INPP4B: variants seen among roughly 807,000 people sequenced by gnomAD.
INPP4B encodes inositol polyphosphate 4-phosphatase type II.
Under a neutral mutation model 122.5 loss-of-function variants are expected in INPP4B, and 55 were observed. The observed-to-expected ratio is 0.45, with a 90% CI of 0.36 to 0.56. The LOEUF is 0.56. Among genes scored for constraint, INPP4B ranks in the 20% least tolerant of loss-of-function variants. The pLI, the probability that INPP4B is intolerant of heterozygous loss-of-function variation, is 0.00. For missense variants in INPP4B, 1,000 were observed against 1,097.7 expected (o/e 0.91, Z 1.26); for synonymous variants, 403 against 388.7 (o/e 1.04, Z -0.43).
chr4:142,623,442 C>T (rs756423145), intron 2 of INPP4B, among the ~76,000 whole-genome samples: 1 of 151,864 alleles, frequency 6.6e-6, no homozygotes, highest in African/African-American at 2.4e-5. Flanking sequence ...ACCTTTCTAA[C>T]CTGTCCTTCA....
intron 6 of INPP4B, among the ~76,000 whole-genome samples, chr4:142,403,962 A>T (rs1802489526): frequency 6.6e-6 from 1 of 152,226 alleles, no homozygotes; most frequent in African/African-American, 2.4e-5. Flanking sequence ...TAATATGTGT[A>T]TTTTATCACA....
At chr4:142,402,303 G>T (rs947498331) in intron 7 of INPP4B, among the ~76,000 whole-genome samples, 1 of 152,150 alleles carries the variant, frequency 6.6e-6, no homozygotes, top group African/African-American at 2.4e-5. Context: ...ATTTTCTCCT[G>T]TCCAAGAATT....
rs1056433829 is a variant in INPP4B at position 142,782,710 on chromosome 4, G to C, written c.-253-56809C>G. Among the ~76,000 whole-genome samples the C allele has an allele frequency of 6.6e-5, 10 of 152,226 alleles. No homozygotes were observed. In the South Asian group the frequency reaches 1.9e-3, roughly 28 times the overall value. ...TGAGATGATATCTCATTGTGGTTTT[G>C]ATTTGCATTTCTCTGATGGCCAGTG... On this transcript the variant is annotated intron_variant, in intron 1 of 25. Coordinates refer to ENST00000262992, the MANE Select transcript of INPP4B (RefSeq NM_001101669.3).
rs143089336 is a variant in INPP4B at position 142,046,396 on chromosome 4, G to C, written c.2643-17482C>G. ...GCTGGCCCAGAGGAGAAAGGGATTA[G>C]CTTGGCCTTGGGGATTCATGGGCAT... On this transcript the variant is annotated intron_variant, in intron 25 of 25. Coordinates refer to ENST00000262992, the MANE Select transcript of INPP4B (RefSeq NM_001101669.3). 6.6e-3 allele frequency among the ~76,000 whole-genome samples: 1,007 copies of C among 152,182 alleles called. 9 individuals are homozygous for C. Among genetic ancestry groups the C allele is most frequent in the Non-Finnish European group, 7.1e-3 (484 of 67,980 alleles).
intron 1 of INPP4B, among the ~76,000 whole-genome samples, chr4:142,809,692 T>G (rs1293708354): frequency 6.6e-6 from 1 of 152,206 alleles, no homozygotes; most frequent in Non-Finnish European, 1.5e-5. Context: ...TCAGAGCTTA[T>G]TTAACAGTGG....
intron 2 of INPP4B, among the ~76,000 whole-genome samples, chr4:142,590,021 T>C (rs1172446714): frequency 6.6e-6 from 1 of 152,070 alleles, no homozygotes. Flanking sequence ...GAAGAGCCCC[T>C]TCTGAAAAGA....
intron 25 of INPP4B, among the ~76,000 whole-genome samples, chr4:142,039,628 TA>T (rs1335121103): frequency 6.6e-6 from 1 of 151,752 alleles, no homozygotes; most frequent in Non-Finnish European, 1.5e-5. Flanking sequence ...AAGAGAGACA[TA>T]ATGAGTTGAG....
intron 1 of INPP4B, among the ~76,000 whole-genome samples, chr4:142,732,389 AAATAATTTTAATTCATTTCTT>A (rs1766232703): frequency 2.6e-5 from 4 of 152,072 alleles, no homozygotes; most frequent in Non-Finnish European, 5.9e-5. Context: ...ATATCAATGA[AAATAATTTTAATTCATTTCTT>A]TTAATAAATG....
chr4:142,614,411 T>G (rs1003233577), intron 2 of INPP4B, among the ~76,000 whole-genome samples: 1 of 152,108 alleles, frequency 6.6e-6, no homozygotes, highest in African/African-American at 2.4e-5. Flanking sequence ...ATTAAAAACC[T>G]AAATGTAAGA....
chr4:142,191,732 T>C (rs947434296), intron 15 of INPP4B, among the ~76,000 whole-genome samples: 1 of 152,114 alleles, frequency 6.6e-6, no homozygotes, highest in African/African-American at 2.4e-5. Flanking sequence ...ATAATAGTGA[T>C]GGTTATTCTA....
At chr4:142,705,897 C>A (rs1435953968) in intron 2 of INPP4B, among the ~76,000 whole-genome samples, 1 of 152,212 alleles carries the variant, frequency 6.6e-6, no homozygotes, top group South Asian at 2.1e-4. Context: ...CTCCACAGTG[C>A]AACCTGGGTG....
intron 16 of INPP4B, among the ~76,000 whole-genome samples, chr4:142,171,194 A>G (rs1207095392): frequency 2.0e-5 from 3 of 151,738 alleles, no homozygotes; most frequent in African/African-American, 7.3e-5. Flanking sequence ...GGCTGCCCTC[A>G]GTCTTCCCCA....
chr4:142,834,808 A>G (rs907143615), intron 1 of INPP4B, among the ~76,000 whole-genome samples: 1 of 152,206 alleles, frequency 6.6e-6, no homozygotes, highest in Admixed American at 6.5e-5. Flanking sequence ...GAAAATTTAA[A>G]TAAGTGGGAG....
intron 5 of INPP4B, among the ~76,000 whole-genome samples, chr4:142,413,491 T>A (rs1805035355): frequency 6.6e-6 from 1 of 152,228 alleles, no homozygotes; most frequent in African/African-American, 2.4e-5. Flanking sequence ...CTAGTATTCC[T>A]ATCTTGCAAT....
intron 15 of INPP4B, among the ~76,000 whole-genome samples, chr4:142,179,541 T>C (rs369917587): frequency 1.3e-5 from 2 of 151,462 alleles, no homozygotes; most frequent in South Asian, 4.2e-4. Context: ...AAAAGTTGAT[T>C]CTGCCATTTA....
intron 15 of INPP4B, among the ~76,000 whole-genome samples, chr4:142,174,683 G>C (rs181749994): frequency 5.9e-5 from 9 of 151,956 alleles, no homozygotes; most frequent in Admixed American, 5.9e-4. Context: ...GTAGTACAGT[G>C]GCACAATCAG....
chr4:142,675,633 A>G (rs1309194228), intron 2 of INPP4B, among the ~76,000 whole-genome samples: 1 of 152,186 alleles, frequency 6.6e-6, no homozygotes, highest in Admixed American at 6.6e-5. Flanking sequence ...GCAGCACATC[A>G]AAAAGCTTAT....
chr4:142,341,126 G>A (rs538886205), intron 7 of INPP4B, among the ~76,000 whole-genome samples: 27 of 152,268 alleles, frequency 1.8e-4, no homozygotes, highest in African/African-American at 6.5e-4. Context: ...TATTGGATTG[G>A]AATTGACACT....
rs555615886 is a variant in INPP4B at position 142,029,325 on chromosome 4, A to G, written c.2643-411T>C. The G allele has an allele frequency of 4.1e-6, 4 of 985,634 alleles. No individual in the cohort carries two copies. In the South Asian group the frequency reaches 1.4e-4, roughly 35 times the overall value. 61.1% of individuals were successfully genotyped at this position (985,634 alleles called of 1,614,324 possible). ...GTTCTAGAAATAAGGCATTTAATTT[A>G]TTAAGTCTGGCCCTATAGATTTTTA... On this transcript the variant is annotated intron_variant, in intron 25 of 25. Transcript: ENST00000262992.
Sources: allele counts gnomAD v4.1 joint callset (sites outside exome capture counted in the v4.1 genomes callset), GRCh38; gene constraint gnomAD v4.1.1; transcripts MANE v1.5; gene names NCBI Gene and HGNC (gene_info 2026-07-23, HGNC 2026-07-21).